The following KIF14 variants were observed in gnomAD, a reference collection of about 807,000 sequenced individuals.
KIF14 encodes kinesin-like protein KIF14.
Under a neutral mutation model 176.2 loss-of-function variants are expected in KIF14, and 98 were observed. The observed-to-expected ratio is 0.56, with a 90% CI of 0.47 to 0.66. The LOEUF is 0.66. Ranked by LOEUF, KIF14 falls within the 30% of genes least tolerant of loss-of-function variation. KIF14 has a pLI of 0.00. For missense variants in KIF14, 1,751 were observed against 1,920.4 expected (o/e 0.91, Z 1.65); for synonymous variants, 566 against 632.2 (o/e 0.90, Z 1.57).
intron 26 of KIF14, among the ~76,000 whole-genome samples, chr1:200,559,951 C>T (rs543152844): frequency 1.1e-4 from 16 of 152,092 alleles, no homozygotes; most frequent in Admixed American, 3.3e-4. Flanking sequence ...GACGGGGTTT[C>T]GCCATGTTGG....
In KIF14 at chr1:200,592,152, T is replaced by A. The variant is rs762288508; in HGVS notation, c.2741A>T (p.Asp914Val). The change falls in exon 16 of 30, where the codon GAT (aspartate) becomes GTT (valine). Residue 914 changes from aspartate (D) to valine (V), a missense_variant. Coordinates refer to ENST00000367350, the MANE Select transcript of KIF14 (RefSeq NM_014875.3). ...TTTTGGACCCTCACTTATAGGAGTA[T>A]CTCTTCCAGATGGCCTTTTTCCTTT... Reference protein sequence around the residue: ...VQKGKRPSGRDTPISEGPKDF... With the variant: ...VQKGKRPSGRVTPISEGPKDF... The A allele has an allele frequency of 1.2e-6, 2 of 1,613,810 alleles. No individual in the cohort carries two copies. Among genetic ancestry groups the A allele is most frequent in the South Asian group, 1.1e-5 (1 of 91,058 alleles).
chr1:200,580,424 T>C (rs779956262), intron 20 of KIF14, 41 bp from the exon 21 acceptor site: 3 of 1,333,064 alleles, frequency 2.3e-6, no homozygotes, highest in Non-Finnish European at 3.0e-6. Context: ...TCCTGAAACA[T>C]ACACATCCAT....
chr1:200,594,976 C>G (rs948481742), intron 14 of KIF14, among the ~76,000 whole-genome samples: 1 of 152,156 alleles, frequency 6.6e-6, no homozygotes, highest in African/African-American at 2.4e-5. Context: ...AATTCCATGG[C>G]CTACCATTCT....
At chr1:200,567,763 A>G (rs1279998956) in intron 23 of KIF14, among the ~76,000 whole-genome samples, 2 of 152,168 alleles carry the variant, frequency 1.3e-5, no homozygotes, top group South Asian at 4.1e-4. Context: ...GCTTAAAAGC[A>G]GCAAACTAAA....
intron 21 of KIF14, among the ~76,000 whole-genome samples, chr1:200,578,133 T>A (rs527444614): frequency 3.3e-5 from 5 of 152,316 alleles, no homozygotes; most frequent in African/African-American, 9.6e-5. Context: ...ATGTTCTCTT[T>A]ATGTTTACTT....
intron 22 of KIF14, 140 bp from the exon 23 acceptor site, chr1:200,570,145 A>T (rs1657697406): frequency 2.1e-6 from 1 of 472,152 alleles, no homozygotes. Flanking sequence ...GGAAAAATTC[A>T]TTTGGTTAAT....
At chr1:200,617,568 T>C in intron 2 of KIF14, 44 bp downstream of exon 2, 12 of 1,541,214 alleles carry the variant, frequency 7.8e-6, no homozygotes, top group Non-Finnish European at 1.0e-5. Flanking sequence ...AAAGGTACCT[T>C]ACATGTAACT....
intron 25 of KIF14, among the ~76,000 whole-genome samples, chr1:200,563,476 C>T (rs1571462710): frequency 6.6e-6 from 1 of 152,214 alleles, no homozygotes; most frequent in African/African-American, 2.4e-5. Context: ...GCAATCCTCC[C>T]ACCTCAGCCT....
intron 19 of KIF14, among the ~76,000 whole-genome samples, chr1:200,582,557 C>G (rs1003473492): frequency 1.3e-5 from 2 of 152,100 alleles, no homozygotes; most frequent in Non-Finnish European, 2.9e-5. Flanking sequence ...GCAATAGATA[C>G]AAAGAGTATT....
intron 5 of KIF14, 146 bp from the exon 6 acceptor site, chr1:200,606,944 C>CA: frequency 1.4e-6 from 1 of 708,594 alleles, no homozygotes; most frequent in Admixed American, 2.6e-5. Flanking sequence ...AAAACTCTCA[C>CA]AAAAACAAAT....
intron 22 of KIF14, among the ~76,000 whole-genome samples, chr1:200,575,192 G>A (rs1381516378): frequency 2.0e-5 from 3 of 151,974 alleles, no homozygotes; most frequent in Admixed American, 1.3e-4. Flanking sequence ...TCCTGACCTC[G>A]TGATCCACCC....
chr1:200,563,710 T>C (rs557286668), intron 25 of KIF14, among the ~76,000 whole-genome samples: 3 of 152,306 alleles, frequency 2.0e-5, no homozygotes, highest in Non-Finnish European at 4.4e-5. Flanking sequence ...TAATTTCTTA[T>C]CTGCTCCTTT....
intron 21 of KIF14, 23 bp downstream of exon 21, chr1:200,580,229 TAG>T: frequency 8.2e-7 from 1 of 1,222,970 alleles, no homozygotes; most frequent in East Asian, 3.0e-5. Flanking sequence ...AAAAAATTTA[TAG>T]AGATTTTAAT....
intron 18 of KIF14, among the ~76,000 whole-genome samples, chr1:200,587,543 G>A (rs150613750): frequency 7.2e-5 from 11 of 152,086 alleles, no homozygotes; most frequent in South Asian, 2.1e-4. Context: ...GGCCGGGTGC[G>A]GTGGCTCATG....
chr1:200,569,510 T>C (rs535403354), intron 23 of KIF14, among the ~76,000 whole-genome samples: 1 of 152,296 alleles, frequency 6.6e-6, no homozygotes, highest in East Asian at 1.9e-4. Flanking sequence ...CAACCAGCAC[T>C]TTGGGGTTTC....
chr1:200,561,203 C>T (rs1267388845), intron 25 of KIF14, among the ~76,000 whole-genome samples: 5 of 140,108 alleles, frequency 3.6e-5, no homozygotes, highest in Non-Finnish European at 7.6e-5. Context: ...GCACTCCAGC[C>T]GGGGTGACAG....
chr1:200,579,061 G>A (rs1344065283), intron 21 of KIF14, among the ~76,000 whole-genome samples: 4 of 152,176 alleles, frequency 2.6e-5, no homozygotes, highest in Non-Finnish European at 5.9e-5. Context: ...CTGCACTCCA[G>A]CCTGGGCAAC....
At position 200,581,184 on chromosome 1, in the gene KIF14, G is replaced by C. The variant is rs1658431038; in HGVS notation, c.3335+17C>G. On this transcript the variant is annotated intron_variant, in intron 20 of 29. Coordinates refer to ENST00000367350, the MANE Select transcript of KIF14 (RefSeq NM_014875.3). ...ACTTGTTTAAAACATTTAAAATCAG[G>C]ATAATTAATTACTCACCTGCCAAAA... 1.5e-6 allele frequency: 2 copies of C among 1,366,100 alleles called. No homozygotes were observed. The highest frequency in any genetic ancestry group is 2.0e-6 in the Non-Finnish European group (2 of 984,008). 84.6% of individuals were successfully genotyped at this position (1,366,100 alleles called of 1,614,324 possible). A position where few individuals can be genotyped will look rare whatever the true frequency, so the allele number is the denominator to read the frequency against.
intron 16 of KIF14, 77 bp downstream of exon 16, chr1:200,592,003 G>A: frequency 8.0e-7 from 1 of 1,243,494 alleles, no homozygotes; most frequent in Non-Finnish European, 1.1e-6. Flanking sequence ...TTAATTACTA[G>A]AGACTGGCAC....
Sources: allele counts gnomAD v4.1 joint callset (sites outside exome capture counted in the v4.1 genomes callset), GRCh38; gene constraint gnomAD v4.1.1; transcripts MANE v1.5; gene names NCBI Gene and HGNC (gene_info 2026-07-23, HGNC 2026-07-21).